The following UBE3B variants were observed in gnomAD, a reference collection of about 807,000 sequenced individuals.
UBE3B encodes the protein ubiquitin-protein ligase E3B.
A neutral mutation model predicts 132.3 loss-of-function variants in UBE3B; 80 were observed. That is an observed-to-expected ratio of 0.60 (90% CI 0.50 to 0.73). The LOEUF is 0.73. Ranked by LOEUF, UBE3B falls within the 30% of genes least tolerant of loss-of-function variation. The pLI is 0.00. For synonymous variants in UBE3B, 487 were observed against 520.4 expected (o/e 0.94, Z 0.87); for missense variants, 1,196 against 1,362.5 (o/e 0.88, Z 1.92).
chr12:109,547,004 C>T, the UBE3B span, among the ~76,000 whole-genome samples: 10 of 152,148 alleles, frequency 6.6e-5, no homozygotes, highest in African/African-American at 2.2e-4. The surrounding 1 kb of genome is among the most constrained non-coding windows in gnomAD (Gnocchi z 4.1). Context: ...GACACCACAC[C>T]CAGCCGGATT....
chr12:109,544,731 G>A, the UBE3B span, among the ~76,000 whole-genome samples: 1 of 152,190 alleles, frequency 6.6e-6, no homozygotes, highest in Non-Finnish European at 1.5e-5. Flanking sequence ...TCAGCTGTGG[G>A]AGCTCCTGGT....
rs372644582 is a variant in UBE3B, at chr12:109,533,440, C to A, written c.2923-26C>A. On this transcript the variant is annotated intron_variant, in intron 26 of 27. Coordinates refer to ENST00000342494, the MANE Select transcript of UBE3B (RefSeq NM_130466.4). ...TGGAAGAGCAGGAGCCTGCCCCGTC[C>A]CCACTGACCCTGCTTTGTGTTGCAG... 70 of 1,605,266 alleles carry A rather than the reference C, an allele frequency of 4.4e-5. 2 individuals carry two copies. The highest frequency in any genetic ancestry group is 4.3e-4 in the South Asian group (39 of 90,914).
intron 9 of UBE3B, among the ~76,000 whole-genome samples, chr12:109,494,387 T>C (rs1000319930): frequency 1.3e-5 from 2 of 152,204 alleles, no homozygotes; most frequent in Non-Finnish European, 2.9e-5. Flanking sequence ...TGCCGTGGCA[T>C]TGATTTTCTG....
intron 23 of UBE3B, among the ~76,000 whole-genome samples, chr12:109,525,278 C>T (rs1032398713): frequency 1.3e-5 from 2 of 152,184 alleles, no homozygotes; most frequent in African/African-American, 2.4e-5. Flanking sequence ...TCTGAGAAGC[C>T]TGTAAGGAGG....
chr12:109,498,483 T>A, intron 11 of UBE3B, 130 bp downstream of exon 11: 1 of 1,049,922 alleles, frequency 9.5e-7, no homozygotes, highest in Non-Finnish European at 1.4e-6. Flanking sequence ...AAAAAACACG[T>A]ATTTAGATAG....
At chr12:109,486,131 C>T (rs1302277060) in intron 5 of UBE3B, 60 bp downstream of exon 5, 25 of 1,510,868 alleles carry the variant, frequency 1.7e-5, no homozygotes, top group Non-Finnish European at 2.1e-5. Flanking sequence ...CTACTGGGCT[C>T]TGAAAGTTCC....
downstream of UBE3B, among the ~76,000 whole-genome samples, chr12:109,541,462 T>C (rs12831657): frequency 0.11 from 17,363 of 152,292 alleles, 1,256 homozygotes; most frequent in Middle Eastern, 0.17. Flanking sequence ...CCATGAGGAT[T>C]AAACGAGGTC....
chr12:109,490,801 G>C (rs904744112), intron 8 of UBE3B: 4 of 1,334,208 alleles, frequency 3.0e-6, no homozygotes, highest in Non-Finnish European at 3.9e-6. Context: ...CACTGCATAC[G>C]GTTTTTTGTT....
intron 8 of UBE3B, chr12:109,490,355 C>T: frequency 1.4e-6 from 2 of 1,465,972 alleles, no homozygotes; most frequent in African/African-American, 1.4e-5. Context: ...CTCAAACAGC[C>T]CTTTCCACTT....
In UBE3B at chr12:109,521,047, G is replaced by A. The variant is rs1336971183; in HGVS notation, c.2077-101G>A. 1 of 1,365,598 alleles carries A rather than the reference G, an allele frequency of 7.3e-7. No homozygotes were observed. Among genetic ancestry groups the A allele is most frequent in the East Asian group, 2.3e-5 (1 of 42,850 alleles). The allele number at this position is 1,365,598 out of a possible 1,614,324, so 84.6% of individuals were successfully genotyped here. ...TCCACGTTTCATAATTTGCACATTTGGTAATGATGCTGGGAGAGCTTCGCA... is the reference window on the plus strand; with the variant it reads ...TCCACGTTTCATAATTTGCACATTTAGTAATGATGCTGGGAGAGCTTCGCA... On this transcript the variant is annotated intron_variant, in intron 19 of 27. Transcript: ENST00000342494. The surrounding 1 kb of genome is among the most constrained non-coding windows in gnomAD (Gnocchi z 4.2).
At chr12:109,494,499 T>C (rs1420373775) in intron 9 of UBE3B, among the ~76,000 whole-genome samples, 3 of 152,176 alleles carry the variant, frequency 2.0e-5, no homozygotes, top group Non-Finnish European at 4.4e-5. Flanking sequence ...CTGAGCTCTC[T>C]GTTAGCAGGG....
intron 2 of UBE3B, 75 bp downstream of exon 2, chr12:109,481,817 C>T (rs1477816514): frequency 6.6e-6 from 1 of 152,148 alleles, no homozygotes; most frequent in African/African-American, 2.4e-5. Flanking sequence ...TCTCTCCAAG[C>T]CTTTTATAAG....
chr12:109,493,128 T>A (rs1229414928), intron 9 of UBE3B, among the ~76,000 whole-genome samples: 1 of 152,248 alleles, frequency 6.6e-6, no homozygotes, highest in African/African-American at 2.4e-5. Context: ...AGGGAAGTTA[T>A]GTGAGTTGTA....
chr12:109,512,087 T>C (rs2135998270), intron 18 of UBE3B, among the ~76,000 whole-genome samples: 1 of 152,114 alleles, frequency 6.6e-6, no homozygotes, highest in Non-Finnish European at 1.5e-5. Context: ...GCAGGTAGGA[T>C]GTGAGATGTC....
chr12:109,491,393 T>C (rs1461851526), intron 9 of UBE3B: 2 of 335,120 alleles, frequency 6.0e-6, no homozygotes, highest in African/African-American at 4.2e-5. Flanking sequence ...TTCTTTTATC[T>C]AAAAGAGGCC....
chr12:109,478,300 T>G (rs1158855871), intron 1 of UBE3B, among the ~76,000 whole-genome samples, 191 bp downstream of exon 1: 1 of 152,242 alleles, frequency 6.6e-6, no homozygotes, highest in Non-Finnish European at 1.5e-5. Context: ...TTCTCTTTGC[T>G]TGGCCATTCT....
Position 109,509,650 on chromosome 12 carries a change from G to A in UBE3B, c.1677G>A (p.Glu559=). The change falls in exon 16 of 28, where the codon GAG becomes GAA. Residue 559 remains glutamate (E), a synonymous_variant. Coordinates refer to ENST00000342494, the MANE Select transcript of UBE3B (RefSeq NM_130466.4). ...YEEQISFKLE[E]LVTISSFLNS... is the part of the protein sequence containing the mutation. ...AACAGATTTCATTCAAACTGGAAGA[G>A]CTGGTCACTATCTCCTCTTTCCTGA... 1 of 1,611,742 alleles carries A rather than the reference G, an allele frequency of 6.2e-7. No homozygotes were observed. The highest frequency in any genetic ancestry group is 8.5e-7 in the Non-Finnish European group (1 of 1,179,522).
chr12:109,534,333 G>A lies in UBE3B; in HGVS notation c.3016-258G>A, dbSNP rs144110274. The A allele has an allele frequency of 3.5e-5, 50 of 1,408,856 alleles. No individual in the cohort carries two copies. Among genetic ancestry groups the A allele is most frequent in the Middle Eastern group, 2.6e-4 (1 of 3,788 alleles). The allele number at this position is 1,408,856 out of a possible 1,614,324, so 87.3% of individuals were successfully genotyped here. A position where few individuals can be genotyped will look rare whatever the true frequency, so the allele number is the denominator to read the frequency against. ...GTTAACCAGTAATTCGCTGTGAACC[G>A]GAAGGCCCCATTTCCAAAAGCTTAC... On this transcript the variant is annotated intron_variant, in intron 27 of 27. Transcript: ENST00000342494. The surrounding 1 kb of genome is among the most constrained non-coding windows in gnomAD (Gnocchi z 5.2).
In UBE3B at chr12:109,497,810, G is replaced by C. The variant is rs1295040476; in HGVS notation, c.714-8G>C. 1 of 1,613,906 alleles carries C rather than the reference G, an allele frequency of 6.2e-7. No homozygotes were observed. Among genetic ancestry groups the C allele is most frequent in the African/African-American group, 1.3e-5 (1 of 74,898 alleles). On this transcript the variant is annotated splice_polypyrimidine_tract_variant and splice_region_variant and intron_variant, in intron 9 of 27. Transcript: ENST00000342494. Reference sequence around the variant, plus strand: ...CCTGTCTGAATGAGTGGATCTATCTGTGTCTAGCCCTGTGATTGCTGCACA... The same window carrying C: ...CCTGTCTGAATGAGTGGATCTATCTCTGTCTAGCCCTGTGATTGCTGCACA...
Sources: allele counts gnomAD v4.1 joint callset (sites outside exome capture counted in the v4.1 genomes callset), GRCh38; gene constraint gnomAD v4.1.1; non-coding constraint Gnocchi (gnomAD v3.1); transcripts MANE v1.5; gene names NCBI Gene and HGNC (gene_info 2026-07-23, HGNC 2026-07-21).